Variants in KIAA1958 observed in about 807,000 individuals in gnomAD.
The protein encoded by KIAA1958 is uncharacterized protein KIAA1958.
Under a neutral mutation model 47.2 loss-of-function variants are expected in KIAA1958, and 14 were observed. That is an observed-to-expected ratio of 0.30 (90% confidence interval 0.20 to 0.46). The LOEUF (loss-of-function observed/expected upper bound fraction) is 0.46. KIAA1958 is among the 20% of genes least tolerant of loss of function. KIAA1958 has a pLI of 1.00. For missense variants in KIAA1958, 803 were observed against 909.2 expected, an observed-to-expected ratio of 0.88 and a Z score of 1.50; for synonymous variants, 354 against 353.3, an observed-to-expected ratio of 1.00 and a Z score of -0.02.
At chr9:112,553,904 G>A (rs1210603445) in intron 1 of KIAA1958, among the ~76,000 whole-genome samples, 1 of 152,076 alleles carries the variant, frequency 6.6e-6, no homozygotes, top group East Asian at 1.9e-4. Context: ...TTTATTGAAT[G>A]AATAAATATT....
chr9:112,653,375 A>G (rs1418834344), intron 3 of KIAA1958, among the ~76,000 whole-genome samples: 1 of 152,186 alleles, frequency 6.6e-6, no homozygotes. Flanking sequence ...ATAACAAACC[A>G]CTCAAAAATA....
chr9:112,587,405 C>T (rs1205426216), intron 2 of KIAA1958, among the ~76,000 whole-genome samples: 1 of 152,128 alleles, frequency 6.6e-6, no homozygotes, highest in Admixed American at 6.5e-5. Context: ...CCGCTTTGGC[C>T]CCCCAAAGTG....
At chr9:112,541,730 G>A (rs1031914769) in intron 1 of KIAA1958, among the ~76,000 whole-genome samples, 1 of 152,026 alleles carries the variant, frequency 6.6e-6, no homozygotes, top group African/African-American at 2.4e-5. Flanking sequence ...GCTTGAACCC[G>A]GGAGGCAGAG....
intron 1 of KIAA1958, among the ~76,000 whole-genome samples, chr9:112,573,811 T>C (rs1835581860): frequency 6.6e-6 from 1 of 152,190 alleles, no homozygotes. Context: ...GCAGGAATTA[T>C]TATAACAATA....
intron 1 of KIAA1958, among the ~76,000 whole-genome samples, chr9:112,511,368 T>C (rs1015478922): frequency 3.3e-5 from 5 of 152,156 alleles, no homozygotes; most frequent in African/African-American, 1.2e-4. Flanking sequence ...ATTAGGGAGA[T>C]GAGTATAATG....
chr9:112,594,104 G>C (rs59076063), intron 2 of KIAA1958, among the ~76,000 whole-genome samples: 17,095 of 152,046 alleles, frequency 0.11, 1,391 homozygotes, highest in East Asian at 0.19. Flanking sequence ...GCTTCCAACA[G>C]TCCTTCCACC....
In KIAA1958 at chr9:112,663,370, T is replaced by A. The variant is rs1025250696; in HGVS notation, c.*3301T>A. ...GTTTAGTGCGGTACCAGGCACATCA[T>A]AAGCATGCAATAAATGTTAGCCAGC... On this transcript the variant is annotated 3_prime_UTR_variant, in exon 4 of 4. Transcript: ENST00000337530. 3.3e-5 allele frequency: 5 copies of A among 152,198 alleles called. No individual in the cohort carries two copies. The highest frequency in any genetic ancestry group is 7.2e-5 in the African/African-American group (3 of 41,454). The allele number at this position is 152,198 out of a possible 1,614,324, so 9.4% of individuals were successfully genotyped here.
chr9:112,518,740 C>A (rs887869035), intron 1 of KIAA1958, among the ~76,000 whole-genome samples: 1 of 151,520 alleles, frequency 6.6e-6, no homozygotes, highest in Non-Finnish European at 1.5e-5. Context: ...AATTATATTC[C>A]AATAAAGGCA....
intron 1 of KIAA1958, among the ~76,000 whole-genome samples, chr9:112,507,072 C>T (rs1239817785): frequency 6.6e-6 from 1 of 152,100 alleles, no homozygotes; most frequent in Non-Finnish European, 1.5e-5. Context: ...AATAGTTAAG[C>T]TAAGGACTTT....
chr9:112,574,705 G>T lies in KIAA1958; in HGVS notation c.625G>T (p.Glu209Ter). The T allele has an allele frequency of 6.2e-7, 1 of 1,614,086 alleles. No individual in the cohort carries two copies. The highest frequency in any genetic ancestry group is 8.5e-7 in the Non-Finnish European group (1 of 1,180,024). The change falls in exon 2 of 4, where the codon GAA (glutamate) becomes TAA (stop). Residue 209 changes from glutamate (E) to a stop codon, truncating the protein, a stop_gained. Transcript: ENST00000337530. LOFTEE classifies it high-confidence loss of function. Reference protein sequence around the residue: ...IIKKIKQEIPEDYYIVANAEL... With the variant: ...IIKKIKQEIP ...CAAGAAAATCAAACAAGAAATCCCC[G>T]AAGATTATTACATTGTGGCAAATGC...
At chr9:112,587,709 A>T (rs1295520200) in intron 2 of KIAA1958, among the ~76,000 whole-genome samples, 2 of 152,096 alleles carry the variant, frequency 1.3e-5, no homozygotes, top group Admixed American at 6.5e-5. Context: ...AATTTTCTTT[A>T]TTTTTGTCAT....
intron 1 of KIAA1958, among the ~76,000 whole-genome samples, chr9:112,499,688 C>CTTTTTTTTTTTTTTTTT (rs917810043): frequency 4.6e-5 from 6 of 130,550 alleles, no homozygotes; most frequent in Non-Finnish European, 6.6e-5. Context: ...ACATTTTTTT[C>CTTTTTTTTTTTTTTTTT]TTTTTTTTTT....
chr9:112,563,085 C>CCCTA (rs1554724183), intron 1 of KIAA1958, among the ~76,000 whole-genome samples: 1 of 131,542 alleles, frequency 7.6e-6, no homozygotes, highest in African/African-American at 2.9e-5. Flanking sequence ...CTCTCTCTCT[C>CCCTA]TATATATATA....
rs1834416454 is a variant in KIAA1958, at chr9:112,515,633, A to G, written c.-25+28515A>G. On this transcript the variant is annotated intron_variant, in intron 1 of 3. Transcript: ENST00000337530. ...CATGTGCTGTGTCCACTCAGGGTTA[A>G]ATGGATTAAGGGCGGTGCAAGATGT... 6.4e-5 allele frequency among the ~76,000 whole-genome samples: 4 copies of G among 62,106 alleles called. No homozygotes were observed. In the South Asian group the frequency reaches 2.4e-3, roughly 37 times the overall value. 40.7% of individuals were successfully genotyped at this position (62,106 alleles called of 152,430 possible). A position where few individuals can be genotyped will look rare whatever the true frequency, so the allele number is the denominator to read the frequency against.
chr9:112,665,477 A>G lies in KIAA1958; in HGVS notation c.*5408A>G, dbSNP rs1229220557. The G allele has an allele frequency of 6.6e-6, 1 of 152,196 alleles. No individual in the cohort carries two copies. The highest frequency in any genetic ancestry group is 1.5e-5 in the Non-Finnish European group (1 of 68,038). 9.4% of individuals were successfully genotyped at this position (152,196 alleles called of 1,614,324 possible). A position where few individuals can be genotyped will look rare whatever the true frequency, so the allele number is the denominator to read the frequency against. On this transcript the variant is annotated 3_prime_UTR_variant, in exon 4 of 4. Coordinates refer to ENST00000337530, the MANE Select transcript of KIAA1958 (RefSeq NM_133465.4). ...GATAAGTTGGAGAATTTAAGTTTGTAAGTTGGAGAATGCAGGTTTTCTGAC... is the reference window on the plus strand; with the variant it reads ...GATAAGTTGGAGAATTTAAGTTTGTGAGTTGGAGAATGCAGGTTTTCTGAC...
chr9:112,663,898 A>G lies in KIAA1958; in HGVS notation c.*3829A>G, dbSNP rs1837316842. 1 of 152,266 alleles carries G rather than the reference A, an allele frequency of 6.6e-6. No homozygotes were observed. Among genetic ancestry groups the G allele is most frequent in the Non-Finnish European group, 1.5e-5 (1 of 68,044 alleles). The allele number at this position is 152,266 out of a possible 1,614,324, so 9.4% of individuals were successfully genotyped here. On this transcript the variant is annotated 3_prime_UTR_variant, in exon 4 of 4. Transcript: ENST00000337530. The stretch of plus-strand genomic sequence containing the variant: ...TGCCACACTCAGCATTTTCATAGAC[A>G]TAGTCATTAGGAGAATCTGGACAAA...
intron 3 of KIAA1958, among the ~76,000 whole-genome samples, chr9:112,658,976 C>A (rs554690317): frequency 7.2e-6 from 1 of 138,644 alleles, no homozygotes; most frequent in South Asian, 2.3e-4. Flanking sequence ...GCCGAGATCA[C>A]GCCACTGCAC....
intron 1 of KIAA1958, among the ~76,000 whole-genome samples, chr9:112,512,211 A>G (rs1329893369): frequency 1.2e-4 from 18 of 152,214 alleles, no homozygotes; most frequent in Admixed American, 6.5e-4. Flanking sequence ...TATTACAAGT[A>G]AAAGTACAGA....
In KIAA1958 at chr9:112,492,537, A is replaced by ATACC. The variant is rs577297790; in HGVS notation, c.-25+5431_-25+5434dup. Among the ~76,000 whole-genome samples, 24 of 152,310 alleles carry ATACC rather than the reference A, an allele frequency of 1.6e-4. No individual in the cohort carries two copies. The South Asian group carries it at 2.3e-3, about 14-fold the overall frequency. On this transcript the variant is annotated intron_variant, in intron 1 of 3. Transcript: ENST00000337530. ...TCTACCTACTGCCTTTCATGCATGT[A>ATACC]TACCTACCTACCTACATATGTACAT...
Sources: allele counts gnomAD v4.1 joint callset (sites outside exome capture counted in the v4.1 genomes callset), GRCh38; gene constraint gnomAD v4.1.1; transcripts MANE v1.5; gene names NCBI Gene and HGNC (gene_info 2026-07-23, HGNC 2026-07-21).